MYO1D: variants seen among roughly 807,000 people sequenced by gnomAD.
MYO1D encodes the protein unconventional myosin-Id.
MYO1D carries 83 observed loss-of-function variants against 122.0 expected under a neutral mutation model. The observed-to-expected ratio is 0.68, with a 90% CI of 0.57 to 0.82. The LOEUF is 0.82. MYO1D is among the 40% of genes least tolerant of loss of function. MYO1D has a pLI of 0.00. For missense variants in MYO1D, 1,157 were observed against 1,269.5 expected (o/e 0.91, Z 1.35); for synonymous variants, 464 against 446.9 (o/e 1.04, Z -0.48).
chr17:32,639,861 C>G (rs1184353389), intron 19 of MYO1D, among the ~76,000 whole-genome samples: 1 of 152,172 alleles, frequency 6.6e-6, no homozygotes, highest in East Asian at 1.9e-4. Flanking sequence ...GATCTATATC[C>G]TCCATCCCCT....
At chr17:32,562,618 G>C (rs2087136288) in intron 21 of MYO1D, among the ~76,000 whole-genome samples, 1 of 152,056 alleles carries the variant, frequency 6.6e-6, no homozygotes, top group Admixed American at 6.6e-5. Flanking sequence ...GAGTAGCTAG[G>C]ACTACAGGTG....
At chr17:32,863,665 T>C (rs1567677027) in intron 1 of MYO1D, among the ~76,000 whole-genome samples, 1 of 152,406 alleles carries the variant, frequency 6.6e-6, no homozygotes, top group Middle Eastern at 3.4e-3. Context: ...ACAGTCATGA[T>C]GATCTAAGTC....
chr17:32,582,509 T>A (rs1355792415), intron 21 of MYO1D, among the ~76,000 whole-genome samples: 1 of 152,178 alleles, frequency 6.6e-6, no homozygotes, highest in Non-Finnish European at 1.5e-5. Context: ...TATGTTTCAT[T>A]ATGGCAGAGA....
At chr17:32,667,625 C>A (rs529739928) in intron 16 of MYO1D, among the ~76,000 whole-genome samples, 35 of 152,152 alleles carry the variant, frequency 2.3e-4, no homozygotes, top group Non-Finnish European at 4.7e-4. Flanking sequence ...TACAAGCCGT[C>A]CTGATGAACT....
At chr17:32,521,688 G>A (rs943030335) in intron 21 of MYO1D, among the ~76,000 whole-genome samples, 10 of 152,182 alleles carry the variant, frequency 6.6e-5, no homozygotes, top group East Asian at 1.9e-4. Flanking sequence ...GGTGGCGCAC[G>A]CCCATAATCT....
intron 16 of MYO1D, among the ~76,000 whole-genome samples, chr17:32,705,039 T>C (rs1014468656): frequency 5.9e-5 from 9 of 152,098 alleles, no homozygotes; most frequent in African/African-American, 2.2e-4. Flanking sequence ...AAAAAAGAGA[T>C]CTTTCTACTC....
At chr17:32,778,987 C>G (rs2090208308) in intron 2 of MYO1D, among the ~76,000 whole-genome samples, 1 of 151,950 alleles carries the variant, frequency 6.6e-6, no homozygotes, top group Non-Finnish European at 1.5e-5. Flanking sequence ...TTCTTTTAAT[C>G]TTAAAGGGGA....
At chr17:32,738,168 A>G (rs1479354073) in intron 14 of MYO1D, 85 bp downstream of exon 14, 1 of 1,213,108 alleles carries the variant, frequency 8.2e-7, no homozygotes, top group Non-Finnish European at 1.1e-6. Context: ...GATTACCTAA[A>G]AAGCAAATCA....
intron 1 of MYO1D, among the ~76,000 whole-genome samples, chr17:32,837,165 T>C (rs2090834284): frequency 1.3e-5 from 2 of 152,026 alleles, no homozygotes; most frequent in Non-Finnish European, 2.9e-5. Flanking sequence ...TAGTTTTAGC[T>C]CCCATTTTCT....
chr17:32,837,401 C>T (rs1377972929), intron 1 of MYO1D, among the ~76,000 whole-genome samples: 2 of 151,460 alleles, frequency 1.3e-5, no homozygotes, highest in East Asian at 1.9e-4. Context: ...GGCTCATGTT[C>T]ATTGTTAATG....
At position 32,841,435 on chromosome 17, in the gene MYO1D, C is replaced by T. The variant is rs143127485; in HGVS notation, c.95+35343G>A. 1.5e-4 allele frequency among the ~76,000 whole-genome samples: 23 copies of T among 151,886 alleles called. 1 individual carries two copies. The East Asian group carries it at 4.4e-3, about 29-fold the overall frequency. ...TGAGCTATGGTTGTGCCACTGCACTCCAGTTTGGGTGACAGAGTGAGACCC... is the reference window on the plus strand; with the variant it reads ...TGAGCTATGGTTGTGCCACTGCACTTCAGTTTGGGTGACAGAGTGAGACCC... On this transcript the variant is annotated intron_variant, in intron 1 of 21. Coordinates refer to ENST00000318217, the MANE Select transcript of MYO1D (RefSeq NM_015194.3).
chr17:32,803,186 GC>G (rs1430825710), intron 1 of MYO1D, among the ~76,000 whole-genome samples: 1 of 151,738 alleles, frequency 6.6e-6, no homozygotes, highest in African/African-American at 2.4e-5. Flanking sequence ...TTACTCTGTC[GC>G]CCAGGCTTGA....
In MYO1D at chr17:32,822,476, C is replaced by CG. The variant is rs546462205; in HGVS notation, c.96-41693dup. ...GCCGACCACGGGCAGTGGTGGGGGG[C>CG]GGGGGGCGCGCGTCCCCGGTCGGCG... is the stretch of plus-strand genomic sequence containing the variant. On this transcript the variant is annotated intron_variant, in intron 1 of 21. Coordinates refer to ENST00000318217, the MANE Select transcript of MYO1D (RefSeq NM_015194.3). 2.1e-3 allele frequency among the ~76,000 whole-genome samples: 311 copies of CG among 149,090 alleles called. 7 individuals carry two copies. The highest frequency in any genetic ancestry group is 0.014 in the Admixed American group (213 of 14,946).
At chr17:32,550,519 A>T (rs1047320933) in intron 21 of MYO1D, among the ~76,000 whole-genome samples, 1 of 152,214 alleles carries the variant, frequency 6.6e-6, no homozygotes, top group African/African-American at 2.4e-5. Context: ...TTCCACAGCT[A>T]ATCACAGAGG....
chr17:32,697,516 T>A (rs2089188078), intron 16 of MYO1D, among the ~76,000 whole-genome samples: 1 of 152,222 alleles, frequency 6.6e-6, no homozygotes, highest in Non-Finnish European at 1.5e-5. Flanking sequence ...ATACCCCAGC[T>A]TCCTGTTTCA....
At chr17:32,599,126 G>A (rs576008304) in intron 21 of MYO1D, among the ~76,000 whole-genome samples, 1 of 152,316 alleles carries the variant, frequency 6.6e-6, no homozygotes, top group South Asian at 2.1e-4. Context: ...TGCTGTTTGA[G>A]AGCATTTTAC....
intron 21 of MYO1D, among the ~76,000 whole-genome samples, chr17:32,545,096 C>A (rs2086955103): frequency 6.6e-6 from 1 of 152,132 alleles, no homozygotes; most frequent in South Asian, 2.1e-4. Context: ...TTCCATCTTG[C>A]CCCTCTCTGG....
chr17:32,553,903 C>A (rs2087045196), intron 21 of MYO1D, among the ~76,000 whole-genome samples: 2 of 152,164 alleles, frequency 1.3e-5, no homozygotes, highest in African/African-American at 4.8e-5. Context: ...TTAGATATTT[C>A]CACCTGAACT....
intron 21 of MYO1D, among the ~76,000 whole-genome samples, chr17:32,541,394 G>T (rs937730087): frequency 2.6e-5 from 4 of 152,158 alleles, no homozygotes; most frequent in Non-Finnish European, 5.9e-5. Context: ...AAGCTACAGG[G>T]GCAGAAAGTA....
Sources: allele counts gnomAD v4.1 joint callset (sites outside exome capture counted in the v4.1 genomes callset), GRCh38; gene constraint gnomAD v4.1.1; transcripts MANE v1.5; gene names NCBI Gene and HGNC (gene_info 2026-07-23, HGNC 2026-07-21).